Variants in CAPG observed in about 807,000 individuals in gnomAD.
The protein encoded by CAPG is capping actin protein, gelsolin like.
CAPG carries 32 observed loss-of-function variants against 44.6 expected under a neutral mutation model. The observed-to-expected ratio is 0.72, with a 90% confidence interval of 0.54 to 0.96. The LOEUF (loss-of-function observed/expected upper bound fraction) is 0.96, where lower values mean the gene tolerates loss of function less well. Among genes scored for constraint, CAPG ranks in the 50% least tolerant of loss-of-function variants. The pLI, the probability that CAPG is intolerant of heterozygous loss-of-function variation, is 0.00. For missense variants in CAPG, 412 were observed against 438.3 expected (o/e 0.94, Z 0.54); for synonymous variants, 175 against 179.6 (o/e 0.97, Z 0.20).
At chr2:85,411,512 G>A (rs567266895), upstream of CAPG, among the ~76,000 whole-genome samples, 5 of 152,332 alleles carry the variant, frequency 3.3e-5, no homozygotes, top group Admixed American at 6.5e-5. Context: ...GGGGAAGGAT[G>A]AGCGGACTCA....
At chr2:85,408,013 C>A (rs1687243539) in intron 1 of CAPG, among the ~76,000 whole-genome samples, 1 of 152,088 alleles carries the variant, frequency 6.6e-6, no homozygotes, top group Admixed American at 6.6e-5. Flanking sequence ...CTTGAGCTTC[C>A]TCAGTGTCCA....
chr2:85,395,444 C>T lies in CAPG; in HGVS notation c.981+94G>A, dbSNP rs1686545637. The T allele has an allele frequency of 1.0e-6, 1 of 971,756 alleles. No homozygotes were observed. Among genetic ancestry groups the T allele is most frequent in the Non-Finnish European group, 1.6e-6 (1 of 622,594 alleles). 60.2% of individuals were successfully genotyped at this position (971,756 alleles called of 1,614,324 possible). On this transcript the variant is annotated intron_variant, in intron 9 of 9. Transcript: ENST00000263867. This position sits in a 1 kb window ranked among gnomAD's most constrained non-coding sequence, Gnocchi z 4.3. ...GAGGCCTGGTTGTTCCTGACAGTGC[C>T]CAAGGCTCTCCTGCCCTTCCTGGCC...
chr2:85,399,310 G>C, intron 5 of CAPG, 25 bp from the exon 6 acceptor site: 1 of 1,611,776 alleles, frequency 6.2e-7, no homozygotes, highest in African/African-American at 1.3e-5. Flanking sequence ...GAAAGTCCGG[G>C]TCAGAGCCAG....
At chr2:85,392,891 C>G (rs1326876635), downstream of CAPG, among the ~76,000 whole-genome samples, 1 of 152,138 alleles carries the variant, frequency 6.6e-6, no homozygotes, top group African/African-American at 2.4e-5. Context: ...CACCATCCAC[C>G]TGTTTAGTGC....
chr2:85,395,844 C>A lies in CAPG; in HGVS notation c.893-218G>T, dbSNP rs1686571216. 2 of 553,568 alleles carry A rather than the reference C, an allele frequency of 3.6e-6. No homozygotes were observed. The highest frequency in any genetic ancestry group is 3.1e-5 in the East Asian group (1 of 32,424). 34.3% of individuals were successfully genotyped at this position (553,568 alleles called of 1,614,324 possible). A position where few individuals can be genotyped will look rare whatever the true frequency, so the allele number is the denominator to read the frequency against. On this transcript the variant is annotated intron_variant, in intron 8 of 9. Transcript: ENST00000263867. This position sits in a 1 kb window ranked among gnomAD's most constrained non-coding sequence, Gnocchi z 4.3. ...GCAGCACCAAGGTAGATGAAAACCC[C>A]TCGTCTGCCCGGGTCTGATCATGCA...
intron 1 of CAPG, among the ~76,000 whole-genome samples, chr2:85,405,605 A>G (rs1051212735): frequency 2.6e-5 from 4 of 152,194 alleles, no homozygotes; most frequent in African/African-American, 9.7e-5. Flanking sequence ...CTGAGTAGGA[A>G]ACAAAGAGGG....
chr2:85,401,280 G>A lies in CAPG; in HGVS notation c.401C>T (p.Ala134Val). Residue 134 changes from alanine (A) to valine (V), a missense_variant, in exon 5 of 10, where the codon GCT (alanine) becomes GTT (valine). Coordinates refer to ENST00000263867, the MANE Select transcript of CAPG (RefSeq NM_001747.4). ...CACCTGGTAGAGTTTCTTGATGGCA[G>A]CTGGGGCTCCTGTGGAGGTCTTGTG... ...AFHKTSTGAP[A>V]AIKKLYQVKG... 1 of 1,614,172 alleles carries A rather than the reference G, an allele frequency of 6.2e-7. No homozygotes were observed. Among genetic ancestry groups the A allele is most frequent in the Non-Finnish European group, 8.5e-7 (1 of 1,180,010 alleles).
At chr2:85,393,516 TAAG>T (rs1686460044), downstream of CAPG, among the ~76,000 whole-genome samples, 1 of 152,164 alleles carries the variant, frequency 6.6e-6, no homozygotes, top group Non-Finnish European at 1.5e-5. Flanking sequence ...CAAGTAGGGC[TAAG>T]AAGTCTATGG....
intron 8 of CAPG, among the ~76,000 whole-genome samples, chr2:85,396,629 G>A (rs568316105): frequency 5.9e-5 from 9 of 152,140 alleles, no homozygotes; most frequent in African/African-American, 2.2e-4. Flanking sequence ...ATAGTTGTTG[G>A]GTTCCTTGCT....
At chr2:85,410,867 T>G (rs1196578930), upstream of CAPG, among the ~76,000 whole-genome samples, 4 of 149,838 alleles carry the variant, frequency 2.7e-5, no homozygotes, top group African/African-American at 9.8e-5. Flanking sequence ...TTTTTTTTGT[T>G]TTTTTTTTTT....
chr2:85,399,703 T>C (rs1253969411), intron 5 of CAPG, among the ~76,000 whole-genome samples: 1 of 151,650 alleles, frequency 6.6e-6, no homozygotes, highest in Non-Finnish European at 1.5e-5. Context: ...TTGCCCAGGC[T>C]GGTTACAAAC....
downstream of CAPG, chr2:85,394,646 C>G: frequency 1.8e-6 from 1 of 559,272 alleles, no homozygotes; most frequent in African/African-American, 1.9e-5. Flanking sequence ...CAGCTCTGGC[C>G]CCTCCAAGGC....
In CAPG at chr2:85,395,499, G is replaced by A. The variant is rs765907085; in HGVS notation, c.981+39C>T. The A allele has an allele frequency of 4.5e-6, 7 of 1,550,724 alleles. No homozygotes were observed. The South Asian group carries it at 6.8e-5, about 15-fold the overall frequency. On this transcript the variant is annotated intron_variant, in intron 9 of 9. Transcript: ENST00000263867. This position sits in a 1 kb window ranked among gnomAD's most constrained non-coding sequence, Gnocchi z 4.3. ...TGAGGGGTCAGGGGCCACAGGAAGA[G>A]CCCTAGGAAGAGGGCTGTGGTTGTG...
downstream of CAPG, chr2:85,391,894 G>A (rs1253670185): frequency 6.6e-6 from 1 of 152,408 alleles, no homozygotes; most frequent in Non-Finnish European, 1.5e-5. Context: ...GAGACAGAAG[G>A]TTGCCTGTGC....
At chr2:85,417,100 G>T (rs1687568854) in intron 1 of CAPG, among the ~76,000 whole-genome samples, 1 of 152,188 alleles carries the variant, frequency 6.6e-6, no homozygotes, top group Non-Finnish European at 1.5e-5. Context: ...GGCACCAGGT[G>T]CCTGGGATGG....
At chr2:85,411,132 A>G (rs1687396974), upstream of CAPG, among the ~76,000 whole-genome samples, 1 of 152,204 alleles carries the variant, frequency 6.6e-6, no homozygotes, top group Non-Finnish European at 1.5e-5. Flanking sequence ...CTGGGATTAC[A>G]GGCGTGGGCT....
At chr2:85,419,227 T>G (rs2104875610), upstream of CAPG, 1 of 152,458 alleles carries the variant, frequency 6.6e-6, no homozygotes, top group East Asian at 1.9e-4. Flanking sequence ...GGCATCAATT[T>G]TACATGGCAG....
At chr2:85,418,664 G>GCGCT (rs1263041629), upstream of CAPG, 1 of 151,896 alleles carries the variant, frequency 6.6e-6, no homozygotes, top group Non-Finnish European at 1.5e-5. Flanking sequence ...GCGCGCGCGC[G>GCGCT]CCTTTTGGCC....
chr2:85,416,521 CT>C, intron 1 of CAPG, among the ~76,000 whole-genome samples: 1 of 150,440 alleles, frequency 6.6e-6, no homozygotes, highest in East Asian at 1.9e-4. Flanking sequence ...CTTTTTTTTT[CT>C]TTTTTCGAGA....
Sources: gnomAD v4.1 joint callset for allele counts (sites outside exome capture counted in the v4.1 genomes callset) on GRCh38, gnomAD v4.1.1 for gene constraint, Gnocchi (gnomAD v3.1) non-coding constraint, MANE v1.5 for transcripts, NCBI Gene and HGNC (gene_info 2026-07-23, HGNC 2026-07-21) for gene names.